Variants in FREM1 observed in about 807,000 individuals in gnomAD.
FREM1 encodes the protein FRAS1 related extracellular matrix 1.
FREM1 carries 220 observed loss-of-function variants against 210.1 expected under a neutral mutation model. The ratio of observed to expected loss-of-function variants is 1.05; its 90% CI spans 0.94 to 1.17. The LOEUF (loss-of-function observed/expected upper bound fraction) is 1.17. Among genes scored for constraint, FREM1 ranks in the 50% most tolerant of loss-of-function variants. FREM1 has a pLI of 0.00. For missense variants in FREM1, 3,454 were observed against 2,675.5 expected (o/e 1.29, Z -6.42); for synonymous variants, 1,189 against 980.2 (o/e 1.21, Z -3.98).
At chr9:14,860,940 C>CATATATACACATATATACAT (rs1170673338) in intron 3 of FREM1, among the ~76,000 whole-genome samples, 1 of 67,220 alleles carries the variant, frequency 1.5e-5, no homozygotes, top group African/African-American at 8.6e-5. Flanking sequence ...CATATACACA[C>CATATATACACATATATACAT]ATATACACAT....
At chr9:14,861,036 T>A (rs796469457) in intron 3 of FREM1, among the ~76,000 whole-genome samples, 6 of 65,762 alleles carry the variant, frequency 9.1e-5, no homozygotes, top group African/African-American at 3.0e-4. Flanking sequence ...TATACATATA[T>A]ACATATATAC....
chr9:14,896,472 G>A (rs11793376), intron 1 of FREM1, among the ~76,000 whole-genome samples: 1 of 149,990 alleles, frequency 6.7e-6, no homozygotes, highest in Admixed American at 6.7e-5. Context: ...TAAACTGGGG[G>A]AGACAGAGGT....
chr9:14,822,871 C>G (rs935677375), intron 13 of FREM1, among the ~76,000 whole-genome samples: 1 of 152,054 alleles, frequency 6.6e-6, no homozygotes, highest in East Asian at 1.9e-4. Flanking sequence ...TTGATCAACA[C>G]GTGAAACTCA....
At chr9:14,834,474 A>G (rs1824172091) in intron 10 of FREM1, among the ~76,000 whole-genome samples, 1 of 152,108 alleles carries the variant, frequency 6.6e-6, no homozygotes, top group East Asian at 1.9e-4. Flanking sequence ...AAATGGAATA[A>G]TCTATAAGGT....
At chr9:14,861,310 TACATATATAC>T (rs1440184017) in intron 3 of FREM1, among the ~76,000 whole-genome samples, 4 of 107,784 alleles carry the variant, frequency 3.7e-5, no homozygotes, top group African/African-American at 5.5e-5. Context: ...TACACATATA[TACATATATAC>T]ACATATATAC....
At chr9:14,902,741 T>C (rs972529690) in intron 1 of FREM1, among the ~76,000 whole-genome samples, 3 of 152,204 alleles carry the variant, frequency 2.0e-5, no homozygotes, top group Non-Finnish European at 4.4e-5. Flanking sequence ...GCTAGTCCTT[T>C]AGTCCTGTCT....
At chr9:14,853,634 C>A (rs1323209039) in intron 5 of FREM1, among the ~76,000 whole-genome samples, 1 of 152,122 alleles carries the variant, frequency 6.6e-6, no homozygotes. Context: ...TGCCACCAGT[C>A]TGAAAATTAA....
chr9:14,778,986 T>C (rs530459896), intron 24 of FREM1, among the ~76,000 whole-genome samples: 3 of 152,232 alleles, frequency 2.0e-5, no homozygotes, highest in African/African-American at 4.8e-5. Flanking sequence ...TAAACTGATA[T>C]ACATTTTTAG....
chr9:14,767,331 AAAG>A (rs1003039420), intron 27 of FREM1, among the ~76,000 whole-genome samples: 16 of 152,188 alleles, frequency 1.1e-4, no homozygotes, highest in African/African-American at 3.9e-4. Flanking sequence ...GTCTGAAGAG[AAAG>A]AAGAAGACAA....
chr9:14,768,491 C>T (rs1846882344), intron 27 of FREM1, among the ~76,000 whole-genome samples: 1 of 152,038 alleles, frequency 6.6e-6, no homozygotes, highest in Non-Finnish European at 1.5e-5. Context: ...CTCGAGATTA[C>T]ATTTTAATAT....
intron 2 of FREM1, among the ~76,000 whole-genome samples, chr9:14,865,707 A>G (rs566218555): frequency 5.4e-4 from 77 of 141,904 alleles, no homozygotes; most frequent in African/African-American, 2.1e-3. Context: ...GTGCACATGC[A>G]CTTAGCTATG....
At chr9:14,872,605 C>G (rs1305939220) in intron 1 of FREM1, among the ~76,000 whole-genome samples, 1 of 151,940 alleles carries the variant, frequency 6.6e-6, no homozygotes, top group South Asian at 2.1e-4. Flanking sequence ...ACAATCATGT[C>G]ATCTGCAAAC....
chr9:14,830,967 T>C (rs1049254279), intron 10 of FREM1, among the ~76,000 whole-genome samples: 3 of 152,184 alleles, frequency 2.0e-5, no homozygotes, highest in Non-Finnish European at 4.4e-5. Context: ...TCCATCAACC[T>C]AGTATATACG....
rs367923723 is a variant in FREM1, at chr9:14,830,496, T to A, written c.1882-5504A>T. Among the ~76,000 whole-genome samples, 3 of 152,214 alleles carry A rather than the reference T, an allele frequency of 2.0e-5. No homozygotes were observed. The East Asian group carries it at 5.8e-4, about 29-fold the overall frequency. On this transcript the variant is annotated intron_variant, in intron 10 of 36. Transcript: ENST00000380880. ...ACACTTTATTTCTCAATGGAGTTTG[T>A]TAAAATGGGACTTTTCTCACCCACA...
intron 8 of FREM1, among the ~76,000 whole-genome samples, chr9:14,843,873 G>T (rs1826134372): frequency 6.6e-6 from 1 of 152,180 alleles, no homozygotes; most frequent in African/African-American, 2.4e-5. Context: ...CTGGCTCAAA[G>T]ACCAAGAGCT....
chr9:14,775,654 G>A, intron 25 of FREM1, 135 bp downstream of exon 25: 1 of 615,960 alleles, frequency 1.6e-6, no homozygotes, highest in Non-Finnish European at 2.7e-6. Flanking sequence ...ATTGAAGTGA[G>A]CCAAGATCAC....
At chr9:14,809,883 T>G (rs201761144) in intron 16 of FREM1, among the ~76,000 whole-genome samples, 1 of 13,572 alleles carries the variant, frequency 7.4e-5, no homozygotes, top group African/African-American at 1.6e-4. Context: ...AGCACAGATG[T>G]ATGTATGTAT....
Position 14,819,340 on chromosome 9 carries a change from G to A in FREM1, c.2440C>T (p.Leu814Phe), listed in dbSNP as rs1389668840. Residue 814 changes from leucine to phenylalanine, a missense_variant, in exon 14 of 37, where the codon CTC becomes TTC. Leu to Phe is a conservative substitution (Grantham distance 22). Transcript: ENST00000380880. ...TGCAGAGGCAATTCCCGCAGGGAGA[G>A]GTCAATATTGTCCAGCTTGGTATCT... ...DADTKLDNID[L>F]SLRELPLHGR... 1.9e-6 allele frequency: 3 copies of A among 1,613,476 alleles called. No individual in the cohort carries two copies. The highest frequency in any genetic ancestry group is 2.2e-5 in the East Asian group (1 of 44,886).
At chr9:14,897,131 G>A (rs555684904) in intron 1 of FREM1, among the ~76,000 whole-genome samples, 17 of 152,236 alleles carry the variant, frequency 1.1e-4, no homozygotes, top group Admixed American at 2.6e-4. Flanking sequence ...GAATTAGAAG[G>A]AGCTTATCCA....
Sources: gnomAD v4.1 joint callset for allele counts (sites outside exome capture counted in the v4.1 genomes callset) on GRCh38, gnomAD v4.1.1 for gene constraint, MANE v1.5 for transcripts, NCBI Gene and HGNC (gene_info 2026-07-23, HGNC 2026-07-21) for gene names.